CIMIP3: variants seen among roughly 807,000 people sequenced by gnomAD.
CIMIP3 encodes GUCA1A neighbor.
At chr6:42,159,990 CT>C in the CIMIP3 span, among the ~76,000 whole-genome samples, 2 of 151,986 alleles carry the variant, frequency 1.3e-5, no homozygotes, top group Non-Finnish European at 2.9e-5. Flanking sequence ...GGAAAAGAAT[CT>C]TTTGTTTTTT....
chr6:42,155,997 A>G, the CIMIP3 span, among the ~76,000 whole-genome samples: 2 of 152,012 alleles, frequency 1.3e-5, no homozygotes. Flanking sequence ...AGAGGGCTGG[A>G]ATTCTATTTA....
chr6:42,159,744 C>A, the CIMIP3 span, among the ~76,000 whole-genome samples: 1 of 152,204 alleles, frequency 6.6e-6, no homozygotes, highest in Admixed American at 6.5e-5. Flanking sequence ...AGGCCCTGCT[C>A]ACATACCACA....
chr6:42,155,413 T>G, the CIMIP3 span: 4 of 639,138 alleles, frequency 6.3e-6, no homozygotes, highest in Middle Eastern at 2.5e-4. Context: ...CTCAGTATCC[T>G]GCCAAGAGTC....
the CIMIP3 span, among the ~76,000 whole-genome samples, chr6:42,159,993 T>C: frequency 2.6e-5 from 4 of 152,196 alleles, no homozygotes; most frequent in South Asian, 2.1e-4. Context: ...AAAGAATCTT[T>C]TGTTTTTTTT....
the CIMIP3 span, among the ~76,000 whole-genome samples, chr6:42,156,520 G>C: frequency 6.6e-6 from 1 of 151,970 alleles, no homozygotes; most frequent in Non-Finnish European, 1.5e-5. Flanking sequence ...GGAAGCTGAG[G>C]CCTACCCCCG....
the CIMIP3 span, among the ~76,000 whole-genome samples, chr6:42,162,764 T>C: frequency 6.6e-6 from 1 of 152,174 alleles, no homozygotes; most frequent in Non-Finnish European, 1.5e-5. Context: ...TCCCCTGCTC[T>C]GGAGGTCCCT....
At chr6:42,160,302 T>C in the CIMIP3 span, among the ~76,000 whole-genome samples, 1 of 152,174 alleles carries the variant, frequency 6.6e-6, no homozygotes, top group South Asian at 2.1e-4. Context: ...AAACAATCTT[T>C]GATGACCACT....
the CIMIP3 span, chr6:42,163,243 C>T: frequency 1.7e-6 from 1 of 576,194 alleles, no homozygotes; most frequent in Non-Finnish European, 3.2e-6. Flanking sequence ...TCTTGTGGCG[C>T]TCCTAGGCCT....
the CIMIP3 span, among the ~76,000 whole-genome samples, chr6:42,158,941 G>A: frequency 2.0e-5 from 3 of 152,212 alleles, no homozygotes; most frequent in Admixed American, 6.5e-5. Flanking sequence ...GGGGAGCAGG[G>A]ATGGGGGGTG....
the CIMIP3 span, chr6:42,162,860 A>G: frequency 3.4e-6 from 2 of 590,416 alleles, no homozygotes. Context: ...TGCCCCTGGC[A>G]TAGCAGTTGA....
chr6:42,163,372 GC>G, the CIMIP3 span: 1 of 417,886 alleles, frequency 2.4e-6, no homozygotes. Flanking sequence ...GCTGTGCCAT[GC>G]CCACCTATTG....
At chr6:42,160,368 G>A in the CIMIP3 span, among the ~76,000 whole-genome samples, 1 of 152,304 alleles carries the variant, frequency 6.6e-6, no homozygotes, top group East Asian at 1.9e-4. Flanking sequence ...GTGCCCTGGG[G>A]CTGAGCCTGG....
At chr6:42,157,013 T>A in the CIMIP3 span, among the ~76,000 whole-genome samples, 1 of 152,250 alleles carries the variant, frequency 6.6e-6, no homozygotes, top group Non-Finnish European at 1.5e-5. Flanking sequence ...CTGGAGGATT[T>A]GAGAGGACAG....
the CIMIP3 span, among the ~76,000 whole-genome samples, chr6:42,156,589 C>G: frequency 7.2e-5 from 11 of 152,222 alleles, no homozygotes; most frequent in African/African-American, 2.7e-4. Context: ...ACGTGCTCTC[C>G]TATAGGTTCA....
the CIMIP3 span, among the ~76,000 whole-genome samples, chr6:42,162,393 C>T: frequency 3.5e-5 from 5 of 143,606 alleles, no homozygotes; most frequent in African/African-American, 7.7e-5. Flanking sequence ...CCAGCCTGGG[C>T]AACAAGAGCG....
chr6:42,158,874 C>A, the CIMIP3 span, among the ~76,000 whole-genome samples: 6 of 152,190 alleles, frequency 3.9e-5, no homozygotes, highest in Non-Finnish European at 7.4e-5. Context: ...CTGGCCCCAA[C>A]CCCATGAGCC....
chr6:42,162,712 T>C, the CIMIP3 span, among the ~76,000 whole-genome samples: 1 of 152,112 alleles, frequency 6.6e-6, no homozygotes, highest in Non-Finnish European at 1.5e-5. Flanking sequence ...TAGGCAGAGT[T>C]CTGCAGCAGC....
chr6:42,156,981 GC>G, the CIMIP3 span, among the ~76,000 whole-genome samples: 1 of 152,192 alleles, frequency 6.6e-6, no homozygotes, highest in Non-Finnish European at 1.5e-5. Context: ...TTCTCACTGG[GC>G]AAGGCCATGT....
chr6:42,160,978 C>T, the CIMIP3 span, among the ~76,000 whole-genome samples: 3 of 152,170 alleles, frequency 2.0e-5, no homozygotes, highest in East Asian at 1.9e-4. Context: ...CACCTGAGGT[C>T]GGGAGTTTGA....
Sources: gnomAD v4.1 joint callset for allele counts (sites outside exome capture counted in the v4.1 genomes callset) on GRCh38, gnomAD v4.1.1 for gene constraint, MANE v1.5 for transcripts, NCBI Gene and HGNC (gene_info 2026-07-23, HGNC 2026-07-21) for gene names.